PDGFRB: variants seen among roughly 807,000 people sequenced by gnomAD.
PDGFRB encodes platelet derived growth factor receptor beta, also known as platelet-derived growth factor receptor beta.
In PDGFRB, 42 loss-of-function variants were observed where a neutral mutation model predicts 120.2. That is an observed-to-expected ratio of 0.35 (90% CI 0.27 to 0.45). PDGFRB has a LOEUF of 0.45. Ranked by LOEUF, PDGFRB falls within the 20% of genes least tolerant of loss-of-function variation. The pLI is 1.00. For missense variants in PDGFRB, 1,149 were observed against 1,476.3 expected (o/e 0.78, Z 3.63); for synonymous variants, 586 against 606.8 (o/e 0.97, Z 0.50).
At chr5:150,117,540 G>GCACA (rs1554107262) in intron 22 of PDGFRB, 78 bp downstream of exon 22, 63 of 593,024 alleles carry the variant, frequency 1.1e-4, no homozygotes, top group East Asian at 2.2e-4. Context: ...GCGCGCGCGC[G>GCACA]CGCGCACACA....
In PDGFRB at chr5:150,129,826, G is replaced by A; in HGVS notation, c.1510C>T (p.Leu504=). The A allele has an allele frequency of 6.2e-7, 1 of 1,614,146 alleles. No homozygotes were observed. The highest frequency in any genetic ancestry group is 8.5e-7 in the Non-Finnish European group (1 of 1,180,050). Residue 504 remains leucine (L), a synonymous_variant, in exon 10 of 23, where the codon CTG becomes TTG. Coordinates refer to ENST00000261799, the MANE Select transcript of PDGFRB (RefSeq NM_002609.4). The part of the protein sequence containing the change: ...TLRLQHVDRP[L]SVRCTLRNAV... ...TTGCGCAGCGTGCAGCGCACCGACA[G>A]TGGCCGATCCACGTGCTGCAGACGC... is the stretch of plus-strand genomic sequence containing the variant.
rs2113910470 is a variant in PDGFRB at position 150,134,746 on chromosome 5, T to C, written c.631+4A>G. On this transcript the variant is annotated splice_donor_region_variant and intron_variant, in intron 4 of 22. Coordinates refer to ENST00000261799, the MANE Select transcript of PDGFRB (RefSeq NM_002609.4). The stretch of plus-strand genomic sequence containing the variant: ...CTGAGCATCAGGCCAGAAAGGGGGC[T>C]CACCCTGGAGTCTGTAGACATAGTA... The C allele has an allele frequency of 6.2e-7, 1 of 1,605,358 alleles. No homozygotes were observed. The highest frequency in any genetic ancestry group is 8.5e-7 in the Non-Finnish European group (1 of 1,175,480).
chr5:150,150,256 G>A (rs971963145), intron 1 of PDGFRB, among the ~76,000 whole-genome samples: 5 of 152,132 alleles, frequency 3.3e-5, no homozygotes, highest in African/African-American at 7.2e-5. Flanking sequence ...CAGGCTCAGC[G>A]TCATCACCAA....
Position 150,154,616 on chromosome 5 carries a change from T to C in PDGFRB, c.-7+781A>G, listed in dbSNP as rs938284969. On this transcript the variant is annotated intron_variant, in intron 1 of 22. Transcript: ENST00000261799. ...GATCCTGGGCAGGGAGGTGGTGTGA[T>C]TGGATTTATGCTTTAGAATGGCATG... is the stretch of plus-strand genomic sequence containing the variant. Among the ~76,000 whole-genome samples the C allele has an allele frequency of 2.3e-4, 35 of 152,066 alleles. 1 individual carries two copies. Among genetic ancestry groups the C allele is most frequent in the Admixed American group, 2.2e-3 (33 of 15,264 alleles).
chr5:150,116,672 G>A (rs1392840544), intron 22 of PDGFRB, among the ~76,000 whole-genome samples: 1 of 151,954 alleles, frequency 6.6e-6, no homozygotes, highest in Non-Finnish European at 1.5e-5. Flanking sequence ...CCAATGTTTA[G>A]ACAGTGAAGC....
chr5:150,153,664 T>G (rs1761143079), intron 1 of PDGFRB: 1 of 152,160 alleles, frequency 6.6e-6, no homozygotes, highest in South Asian at 2.1e-4. Flanking sequence ...CCCTGAAGGC[T>G]GTGGATTCAG....
intron 9 of PDGFRB, 38 bp downstream of exon 9, chr5:150,130,501 C>T (rs746137457): frequency 1.3e-6 from 2 of 1,599,002 alleles, no homozygotes; most frequent in East Asian, 4.5e-5. Flanking sequence ...TTCTAGCCAG[C>T]TGGGGACACT....
chr5:150,120,785 A>G lies in PDGFRB; in HGVS notation c.2586+103T>C, dbSNP rs911170998. On this transcript the variant is annotated intron_variant, in intron 18 of 22. Transcript: ENST00000261799. The surrounding 1 kb of genome is among the most constrained non-coding windows in gnomAD (Gnocchi z 4.3). Reference sequence around the variant, plus strand: ...GTCAGGGCAGGCCACAAGGAGCCCCACACAGATTTCCTATGAGCTGCAGCC... The same window carrying G: ...GTCAGGGCAGGCCACAAGGAGCCCCGCACAGATTTCCTATGAGCTGCAGCC... 17 of 1,106,962 alleles carry G rather than the reference A, an allele frequency of 1.5e-5. No homozygotes were observed. In the African/African-American group the frequency reaches 2.5e-4, roughly 16 times the overall value. The allele number at this position is 1,106,962 out of a possible 1,614,324, so 68.6% of individuals were successfully genotyped here. A position where few individuals can be genotyped will look rare whatever the true frequency, so the allele number is the denominator to read the frequency against.
intron 10 of PDGFRB, among the ~76,000 whole-genome samples, chr5:150,129,228 C>T (rs981250360): frequency 5.3e-5 from 8 of 152,154 alleles, no homozygotes; most frequent in Non-Finnish European, 8.8e-5. Context: ...ATTGTGTACC[C>T]ACCGGTACAT....
chr5:150,134,036 G>A, intron 4 of PDGFRB, 28 bp from the exon 5 acceptor site: 2 of 1,612,462 alleles, frequency 1.2e-6, no homozygotes, highest in South Asian at 2.2e-5. Context: ...GCTTAGGTCT[G>A]GGGAAGTCAC....
rs753487530 is a variant in PDGFRB, at chr5:150,124,761, CT to C, written c.1877del (p.Gln626ArgfsTer4). 1 of 1,605,114 alleles carries C rather than the reference CT, an allele frequency of 6.2e-7. No individual in the cohort carries two copies. Among genetic ancestry groups the C allele is most frequent in the East Asian group, 2.2e-5 (1 of 44,798 alleles). On this transcript the variant is annotated frameshift_variant, in exon 13 of 23. Coordinates refer to ENST00000261799, the MANE Select transcript of PDGFRB (RefSeq NM_002609.4). LOFTEE classifies it high-confidence loss of function. The part of the protein sequence containing the change: ...EATAHGLSHS[Q>X]ATMKVAVKML... Reference sequence around the variant, plus strand: ...TCTTGACGGCCACTTTCATCGTGGCCTGAGAATGGCTCAGGCCATGAGCCGT... The same window carrying C: ...TCTTGACGGCCACTTTCATCGTGGCCGAGAATGGCTCAGGCCATGAGCCGT...
intron 9 of PDGFRB, among the ~76,000 whole-genome samples, chr5:150,130,200 G>T (rs1760423214): frequency 6.6e-6 from 1 of 152,212 alleles, no homozygotes; most frequent in Admixed American, 6.5e-5. Flanking sequence ...GGGTCACACG[G>T]CGTATGGGGT....
chr5:150,133,914 C>G lies in PDGFRB; in HGVS notation c.726G>C (p.Val242=), dbSNP rs149027530. ...TLMCIVIGNE[V]VNFEWTYPRK... Reference sequence around the variant, plus strand: ...GGGGGTATGTCCACTCGAAGTTGACCACCTCATTCCCGATCACAATGCACA... The same window carrying G: ...GGGGGTATGTCCACTCGAAGTTGACGACCTCATTCCCGATCACAATGCACA... Residue 242 remains valine, a synonymous_variant, in exon 5 of 23, where the codon GTG becomes GTC. Transcript: ENST00000261799. The G allele has an allele frequency of 1.2e-6, 2 of 1,613,942 alleles. No homozygotes were observed. Among genetic ancestry groups the G allele is most frequent in the African/African-American group, 2.7e-5 (2 of 74,920 alleles).
rs917522284 is a variant in PDGFRB at position 150,131,519 on chromosome 5, C to T, written c.1243+460G>A. ...TACCCGGCCCCTGTTTTTCCTCTCC[C>T]GCAGTGTTAGTTACCTTCTAACCTA... On this transcript the variant is annotated intron_variant, in intron 8 of 22. Coordinates refer to ENST00000261799, the MANE Select transcript of PDGFRB (RefSeq NM_002609.4). Among the ~76,000 whole-genome samples, 21 of 152,196 alleles carry T rather than the reference C, an allele frequency of 1.4e-4. 1 individual carries two copies. The highest frequency in any genetic ancestry group is 5.9e-4 in the Admixed American group (9 of 15,284).
Position 150,154,354 on chromosome 5 carries a change from T to C in PDGFRB, c.-7+1043A>G, listed in dbSNP as rs538130242. ...TGGGGCACGGGGAGATTCCAACCTC[T>C]CCAGGCTGTGCCACTTACTAGCTGT... is the stretch of plus-strand genomic sequence containing the variant. On this transcript the variant is annotated intron_variant, in intron 1 of 22. Transcript: ENST00000261799. Among the ~76,000 whole-genome samples, 58 of 152,248 alleles carry C rather than the reference T, an allele frequency of 3.8e-4. No individual in the cohort carries two copies. The East Asian group carries it at 7.7e-3, about 20-fold the overall frequency.
At chr5:150,127,855 A>G (rs1009582584) in intron 10 of PDGFRB, among the ~76,000 whole-genome samples, 1 of 150,692 alleles carries the variant, frequency 6.6e-6, no homozygotes, top group Non-Finnish European at 1.5e-5. Flanking sequence ...AAAAAAAAAA[A>G]AAAACTTTGG....
intron 1 of PDGFRB, among the ~76,000 whole-genome samples, chr5:150,140,568 G>A (rs1180174443): frequency 6.6e-6 from 1 of 152,204 alleles, no homozygotes; most frequent in Admixed American, 6.5e-5. Flanking sequence ...GTGACTCAGA[G>A]GGACCCCTTA....
intron 9 of PDGFRB, 139 bp from the exon 10 acceptor site, chr5:150,130,107 G>T: frequency 1.4e-6 from 1 of 702,904 alleles, no homozygotes; most frequent in Non-Finnish European, 2.5e-6. Flanking sequence ...CTCCTCCTGT[G>T]CTCCCTCTAC....
rs953027185 is a variant in PDGFRB at position 150,132,188 on chromosome 5, G to A, written c.1128-94C>T. The A allele has an allele frequency of 5.7e-6, 4 of 698,130 alleles. No homozygotes were observed. Among genetic ancestry groups the A allele is most frequent in the Non-Finnish European group, 1.0e-5 (4 of 394,548 alleles). 43.2% of individuals were successfully genotyped at this position (698,130 alleles called of 1,614,324 possible). On this transcript the variant is annotated intron_variant, in intron 7 of 22. Coordinates refer to ENST00000261799, the MANE Select transcript of PDGFRB (RefSeq NM_002609.4). This position sits in a 1 kb window ranked among gnomAD's most constrained non-coding sequence, Gnocchi z 5.0. ...AAAGAGGAACAAGGCCCAGGGAGGG[G>A]AAGGGCTTGCCAAGGTCATCTCGGC...
Sources: allele counts gnomAD v4.1 joint callset (sites outside exome capture counted in the v4.1 genomes callset), GRCh38; gene constraint gnomAD v4.1.1; non-coding constraint Gnocchi (gnomAD v3.1); transcripts MANE v1.5; gene names NCBI Gene and HGNC (gene_info 2026-07-23, HGNC 2026-07-21).